Variants in IDE observed in about 807,000 individuals in gnomAD.
IDE encodes the protein insulin-degrading enzyme.
A neutral mutation model predicts 133.2 loss-of-function variants in IDE; 58 were observed. The ratio of observed to expected loss-of-function variants is 0.44; its 90% CI spans 0.35 to 0.54. IDE has a LOEUF of 0.54. Ranked by LOEUF, IDE falls within the 20% of genes least tolerant of loss-of-function variation. The probability of loss-of-function intolerance (pLI) is 0.00; values close to 1 mark genes in which losing one functional copy is unlikely to be tolerated. For missense variants in IDE, 981 were observed against 1,234.0 expected, an observed-to-expected ratio of 0.79 and a Z score of 3.07; for synonymous variants, 396 against 421.3, an observed-to-expected ratio of 0.94 and a Z score of 0.73.
rs891743772 is a variant in IDE at position 92,508,753 on chromosome 10, A to G, written c.1035T>C (p.Ser345=). ...GHLIGHEGPG[S]LLSELKSKGW... ...CCTTTGACTTAAGTTCTGATAACAG[A>G]CTTCCAGGACCTTCATGCCCAATGA... Residue 345 remains serine, a synonymous_variant, in exon 7 of 25, where the codon AGT becomes AGC. Coordinates refer to ENST00000265986, the MANE Select transcript of IDE (RefSeq NM_004969.4). 6.2e-7 allele frequency: 1 copy of G among 1,614,100 alleles called. No individual in the cohort carries two copies. Among genetic ancestry groups the G allele is most frequent in the Non-Finnish European group, 8.5e-7 (1 of 1,179,986 alleles).
In IDE at chr10:92,453,192, C is replaced by A. The variant is rs1345404483; in HGVS notation, c.*1252G>T. 1 of 152,126 alleles carries A rather than the reference C, an allele frequency of 6.6e-6. No homozygotes were observed. The highest frequency in any genetic ancestry group is 1.5e-5 in the Non-Finnish European group (1 of 68,040). 9.4% of individuals were successfully genotyped at this position (152,126 alleles called of 1,614,324 possible). A position where few individuals can be genotyped will look rare whatever the true frequency, so the allele number is the denominator to read the frequency against. ...GTGCTTGTATATGGAAATATATTCA[C>A]AATTTCTCTTGAAGCAAGTTTTAAT... On this transcript the variant is annotated 3_prime_UTR_variant, in exon 25 of 25. Coordinates refer to ENST00000265986, the MANE Select transcript of IDE (RefSeq NM_004969.4).
Position 92,520,180 on chromosome 10 carries a change from G to A in IDE, c.662-5138C>T, listed in dbSNP as rs192754086. ...AATAATTACTGAATATTAACATGGG[G>A]TTTTGTGAAGCCTAAGAAATGTAAT... On this transcript the variant is annotated intron_variant, in intron 4 of 24. Transcript: ENST00000265986. Among the ~76,000 whole-genome samples the A allele has an allele frequency of 7.2e-5, 11 of 152,278 alleles. No individual in the cohort carries two copies. In the East Asian group the frequency reaches 2.1e-3, roughly 29 times the overall value.
intron 1 of IDE, among the ~76,000 whole-genome samples, chr10:92,561,842 A>C (rs986351128): frequency 2.6e-5 from 4 of 152,104 alleles, no homozygotes; most frequent in African/African-American, 9.7e-5. Context: ...CTGATTACAC[A>C]ATCATTTCTG....
At chr10:92,508,638 G>C in intron 7 of IDE, 90 bp downstream of exon 7, 1 of 1,199,508 alleles carries the variant, frequency 8.3e-7, no homozygotes, top group South Asian at 1.3e-5. Context: ...ATCTAACAAT[G>C]TTCCTTCATA....
chr10:92,475,774 ATTC>A (rs1476740526), intron 16 of IDE, 107 bp downstream of exon 16: 6 of 552,898 alleles, frequency 1.1e-5, no homozygotes, highest in Non-Finnish European at 1.6e-5. Flanking sequence ...AGGGTTATGA[ATTC>A]TTCTTTTCCT....
At chr10:92,482,999 C>G (rs541667506) in intron 14 of IDE, among the ~76,000 whole-genome samples, 21 of 152,052 alleles carry the variant, frequency 1.4e-4, no homozygotes, top group Admixed American at 2.6e-4. Context: ...CCAGGATGGT[C>G]TCACTCTCCT....
intron 1 of IDE, among the ~76,000 whole-genome samples, chr10:92,569,974 G>A (rs962850709): frequency 2.6e-5 from 4 of 152,106 alleles, no homozygotes; most frequent in Non-Finnish European, 4.4e-5. Flanking sequence ...GTTGTGTGTG[G>A]TGGCACACAC....
At chr10:92,561,396 AGAT>A (rs1160915207) in intron 1 of IDE, among the ~76,000 whole-genome samples, 1 of 152,230 alleles carries the variant, frequency 6.6e-6, no homozygotes, top group Non-Finnish European at 1.5e-5. Flanking sequence ...GGATCAAATA[AGAT>A]GATGTGATAA....
intron 13 of IDE, among the ~76,000 whole-genome samples, 159 bp from the exon 14 acceptor site, chr10:92,483,496 G>C (rs1589399388): frequency 6.6e-6 from 1 of 152,206 alleles, no homozygotes; most frequent in Non-Finnish European, 1.5e-5. Context: ...AGAGTCAGCA[G>C]GTAGGAAGCT....
At chr10:92,549,824 T>C (rs1295771142) in intron 1 of IDE, among the ~76,000 whole-genome samples, 1 of 152,090 alleles carries the variant, frequency 6.6e-6, no homozygotes, top group East Asian at 1.9e-4. Context: ...TGGAACCACA[T>C]AGGTATAAAA....
chr10:92,482,863 C>T (rs1027074147), intron 14 of IDE, among the ~76,000 whole-genome samples: 6 of 151,648 alleles, frequency 4.0e-5, no homozygotes, highest in African/African-American at 1.5e-4. Flanking sequence ...TGGAGTGCAG[C>T]GGTGCGATCT....
rs780092696 is a variant in IDE at position 92,483,279 on chromosome 10, G to C, written c.1715C>G (p.Ala572Gly). ...KQDDKFFLPKACLNFEFFSPF... is the reference protein window; with the variant it reads ...KQDDKFFLPKGCLNFEFFSPF... The stretch of plus-strand genomic sequence containing the variant: ...CCTGAAAAATTCAAAGTTGAGACAA[G>C]CCTTCGGCAAAAAAAACTTATCATC... The change falls in exon 14 of 25, where the codon GCT becomes GGT. Residue 572 changes from alanine to glycine, a missense_variant. Ala to Gly is a moderately conservative substitution (Grantham distance 60). This residue lies in a region of IDE where 660 missense variants were observed against 894.7 expected (regional missense o/e 0.74). Coordinates refer to ENST00000265986, the MANE Select transcript of IDE (RefSeq NM_004969.4). The C allele has an allele frequency of 2.5e-6, 4 of 1,603,194 alleles. No individual in the cohort carries two copies. The Admixed American group carries it at 6.7e-5, about 27-fold the overall frequency.
chr10:92,565,144 G>T (rs750100493), intron 1 of IDE, among the ~76,000 whole-genome samples: 9 of 151,540 alleles, frequency 5.9e-5, no homozygotes, highest in Non-Finnish European at 1.3e-4. Context: ...CTACTCAGGA[G>T]GATGAAACAG....
intron 1 of IDE, among the ~76,000 whole-genome samples, chr10:92,565,743 T>A (rs1843507696): frequency 6.6e-6 from 1 of 152,162 alleles, no homozygotes; most frequent in Non-Finnish European, 1.5e-5. Flanking sequence ...TTCCTGCAGA[T>A]CTCCCCTTGG....
At chr10:92,502,859 G>A (rs1848097964) in intron 11 of IDE, among the ~76,000 whole-genome samples, 1 of 152,208 alleles carries the variant, frequency 6.6e-6, no homozygotes, top group Non-Finnish European at 1.5e-5. Flanking sequence ...CAGTAACTTT[G>A]TCTAGTTTTT....
chr10:92,476,157 G>A (rs1846240693), intron 15 of IDE, among the ~76,000 whole-genome samples, 163 bp from the exon 16 acceptor site: 1 of 151,388 alleles, frequency 6.6e-6, no homozygotes, highest in South Asian at 2.1e-4. Context: ...TAACACTTAG[G>A]AAGATAACAT....
chr10:92,535,600 C>A (rs374218511), intron 2 of IDE, among the ~76,000 whole-genome samples: 38 of 152,258 alleles, frequency 2.5e-4, no homozygotes, highest in African/African-American at 9.1e-4. Flanking sequence ...ATGCAAATCA[C>A]CCTGGTAGTC....
chr10:92,483,305 T>C lies in IDE; in HGVS notation c.1689A>G (p.Gln563=), dbSNP rs748753216. 2 of 1,611,206 alleles carry C rather than the reference T, an allele frequency of 1.2e-6. No individual in the cohort carries two copies. The highest frequency in any genetic ancestry group is 3.3e-5 in the Admixed American group (2 of 60,000). Residue 563 remains glutamine (Q), a synonymous_variant, in exon 14 of 25, where the codon CAA becomes CAG. Coordinates refer to ENST00000265986, the MANE Select transcript of IDE (RefSeq NM_004969.4). The stretch of plus-strand genomic sequence containing the variant: ...CCTTCGGCAAAAAAAACTTATCATC[T>C]TGTTTGAACCAAAGTTTGCTCATAG... ...DTAMSKLWFK[Q]DDKFFLPKAC... is the part of the protein sequence containing the mutation.
chr10:92,509,937 A>C (rs1426311404), intron 6 of IDE, 113 bp downstream of exon 6: 1 of 570,718 alleles, frequency 1.8e-6, no homozygotes, highest in Non-Finnish European at 3.1e-6. Flanking sequence ...AAAAAAAAAA[A>C]AACACAACAT....
Sources: gnomAD v4.1 joint callset for allele counts (sites outside exome capture counted in the v4.1 genomes callset) on GRCh38, gnomAD v4.1.1 for gene constraint, gnomAD v4.1.1 regional missense constraint, MANE v1.5 for transcripts, NCBI Gene and HGNC (gene_info 2026-07-23, HGNC 2026-07-21) for gene names.